The following MUC4 variants were observed in gnomAD, a reference collection of about 807,000 sequenced individuals.
MUC4 encodes mucin 4, cell surface associated.
A neutral mutation model predicts 257.9 loss-of-function variants in MUC4; 202 were observed. The ratio of observed to expected loss-of-function variants is 0.78; its 90% CI spans 0.70 to 0.88. MUC4 has a LOEUF of 0.88. Among genes scored for constraint, MUC4 ranks in the 40% least tolerant of loss-of-function variants. The probability of loss-of-function intolerance (pLI) is 0.00; values close to 1 mark genes in which losing one functional copy is unlikely to be tolerated. For synonymous variants in MUC4, 2,351 were observed against 2,757.1 expected (o/e 0.85, Z 4.62); for missense variants, 5,976 against 6,513.7 (o/e 0.92, Z 2.84).
rs1174724172 is a variant in MUC4, at chr3:195,747,348, C to T, written c.16067G>A (p.Gly5356Asp). 1.2e-6 allele frequency: 2 copies of T among 1,613,912 alleles called. No homozygotes were observed. The highest frequency in any genetic ancestry group is 1.1e-5 in the South Asian group (1 of 91,080). Reference sequence around the variant, plus strand: ...CATGCTCAGGTGCTCACAGTGCTCGCCCCAGGCCGTGTAGATGGAGAAGGA... The same window carrying T: ...CATGCTCAGGTGCTCACAGTGCTCGTCCCAGGCCGTGTAGATGGAGAAGGA... ...CVSFSIYTAWGEHCEHLSMKL... is the reference protein window; with the variant it reads ...CVSFSIYTAWDEHCEHLSMKL... Residue 5356 changes from glycine to aspartate, a missense_variant, in exon 25 of 25, where the codon GGC (glycine) becomes GAC (aspartate). Transcript: ENST00000463781.
chr3:195,797,133 G>C (rs1734674481), intron 1 of MUC4, among the ~76,000 whole-genome samples: 6 of 151,968 alleles, frequency 3.9e-5, no homozygotes, highest in Admixed American at 3.9e-4. Context: ...GCTGGGCTTG[G>C]TGGCACACAC....
At chr3:195,809,297 C>A (rs1015976812) in intron 1 of MUC4, among the ~76,000 whole-genome samples, 2 of 152,228 alleles carry the variant, frequency 1.3e-5, no homozygotes, top group Non-Finnish European at 2.9e-5. Flanking sequence ...GGGTGAGGGT[C>A]CTGCCGGCAA....
chr3:195,748,079 C>T (rs1382432640), intron 24 of MUC4, among the ~76,000 whole-genome samples: 1 of 151,734 alleles, frequency 6.6e-6, no homozygotes, highest in East Asian at 1.9e-4. Flanking sequence ...TGGCGGAGGG[C>T]CCGGAGCCCA....
At position 195,788,821 on chromosome 3, in the gene MUC4, T is replaced by A. The variant is rs754707850; in HGVS notation, c.2759A>T (p.Asp920Val). The A allele has an allele frequency of 1.2e-6, 2 of 1,613,854 alleles. No homozygotes were observed. The highest frequency in any genetic ancestry group is 2.2e-5 in the South Asian group (2 of 91,068). Residue 920 changes from aspartate to valine, a missense_variant, in exon 2 of 25, where the codon GAC (aspartate) becomes GTC (valine). Around this residue, in one of 44 missense-constraint regions of MUC4, gnomAD observed 1,583 missense variants for 1,257.4 expected, o/e 1.26. Coordinates refer to ENST00000463781, the MANE Select transcript of MUC4 (RefSeq NM_018406.7). The part of the protein sequence containing the change: ...TQRTRTSRGS[D>V]TISLASQATD... ...TGCCTGGGACGCCAGGCTGATAGTGTCAGACCCTCTGCTGGTTCTTGTCCT... is the reference window on the plus strand; with the variant it reads ...TGCCTGGGACGCCAGGCTGATAGTGACAGACCCTCTGCTGGTTCTTGTCCT...
Position 195,789,673 on chromosome 3 carries a change from T to C in MUC4, c.1907A>G (p.Gln636Arg). 1 of 1,613,972 alleles carries C rather than the reference T, an allele frequency of 6.2e-7. No homozygotes were observed. The highest frequency in any genetic ancestry group is 8.5e-7 in the Non-Finnish European group (1 of 1,179,874). ...CTGCGGGGCTTGAGTGTGACCCCTT[T>C]GGGAAACAGCTGGTGATTCCTGAGG... ...TSPQESPAVS[Q>R]RGHTQAPQTT... Residue 636 changes from glutamine to arginine, a missense_variant, in exon 2 of 25, where the codon CAA becomes CGA. Around this residue, in one of 44 missense-constraint regions of MUC4, gnomAD observed 1,583 missense variants for 1,257.4 expected, o/e 1.26. Transcript: ENST00000463781.
At chr3:195,803,691 G>T (rs1236927235) in intron 1 of MUC4, among the ~76,000 whole-genome samples, 3 of 152,258 alleles carry the variant, frequency 2.0e-5, no homozygotes, top group African/African-American at 7.2e-5. Flanking sequence ...TCACAGGCAG[G>T]GAAATTGAGA....
chr3:195,785,718 A>T lies in MUC4; in HGVS notation c.5862T>A (p.Pro1954=), dbSNP rs1401527236. Residue 1954 remains proline, a synonymous_variant, in exon 2 of 25, where the codon CCT becomes CCA. Transcript: ENST00000463781. ...SASSGHTTPL[P]VTDASSVPTG... ...TGGGTACTGAGGAAGCGTCGGTGAC[A>T]GGAAGAGGGGTGGTGTGACCTGAGG... The T allele has an allele frequency of 5.7e-6, 8 of 1,391,380 alleles. No homozygotes were observed. Among genetic ancestry groups the T allele is most frequent in the Non-Finnish European group, 7.7e-6 (8 of 1,033,798 alleles). The allele number at this position is 1,391,380 out of a possible 1,614,324, so 86.2% of individuals were successfully genotyped here.
chr3:195,775,602 CACCCATACCTTCCACA>C (rs1399568360), intron 3 of MUC4, among the ~76,000 whole-genome samples: 3 of 131,138 alleles, frequency 2.3e-5, no homozygotes, highest in African/African-American at 3.2e-5. Context: ...ATACCTTCCA[CACCCATACCTTCCACA>C]GTCATACCTT....
In MUC4 at chr3:195,784,994, T is replaced by G. The variant is rs761251091; in HGVS notation, c.6586A>C (p.Thr2196Pro). Residue 2196 changes from threonine to proline, a missense_variant, in exon 2 of 25, where the codon ACC becomes CCC. By Grantham distance (38) the Thr-to-Pro change is conservative. Coordinates refer to ENST00000463781, the MANE Select transcript of MUC4 (RefSeq NM_018406.7). The stretch of plus-strand genomic sequence containing the variant: ...CCTGTGGATGCTGAGGAAGTGTCGG[T>G]GACAGGAAGAGGGGTGGCGTGACCT... ...STGHATPLPV[T>P]DTSSASTGQA... is the part of the protein sequence containing the mutation. 1.3e-6 allele frequency: 2 copies of G among 1,513,464 alleles called. No homozygotes were observed. The highest frequency in any genetic ancestry group is 2.4e-5 in the South Asian group (2 of 82,758). The allele number at this position is 1,513,464 out of a possible 1,614,324, so 93.8% of individuals were successfully genotyped here. A position where few individuals can be genotyped will look rare whatever the true frequency, so the allele number is the denominator to read the frequency against.
chr3:195,764,208 A>G, intron 10 of MUC4, 44 bp from the exon 11 acceptor site: 1 of 1,547,856 alleles, frequency 6.5e-7, no homozygotes, highest in Non-Finnish European at 8.7e-7. Flanking sequence ...GGACCTGGAG[A>G]AGCTTGGCAG....
At position 195,753,226 on chromosome 3, in the gene MUC4, C is replaced by A. The variant is rs760790455; in HGVS notation, c.15333G>T (p.Leu5111=). Reference sequence around the variant, plus strand: ...GGTTCTGACACAGGAAAGAGCTCCCCAGAGCTGCAGAGTGAGTAGGGAGGT... The same window carrying A: ...GGTTCTGACACAGGAAAGAGCTCCCAAGAGCTGCAGAGTGAGTAGGGAGGT... ...LTGDGRHCAA[L]GSSFLCQNQS... is the part of the protein sequence containing the mutation. Residue 5111 remains leucine (L), a synonymous_variant, in exon 20 of 25, where the codon CTG becomes CTT. Coordinates refer to ENST00000463781, the MANE Select transcript of MUC4 (RefSeq NM_018406.7). 1.2e-5 allele frequency: 20 copies of A among 1,613,566 alleles called. No individual in the cohort carries two copies. The South Asian group carries it at 2.1e-4, about 17-fold the overall frequency.
In MUC4 at chr3:195,788,787, G is replaced by T. The variant is rs1000178223; in HGVS notation, c.2793C>A (p.Thr931=). The change falls in exon 2 of 25, where the codon ACC becomes ACA. Residue 931 remains threonine, a synonymous_variant. Coordinates refer to ENST00000463781, the MANE Select transcript of MUC4 (RefSeq NM_018406.7). ...GAGGTGTGGGTGGGACTGTTGAGAA[G>T]GTGTCGGTTGCCTGGGACGCCAGGC... is the stretch of plus-strand genomic sequence containing the variant. The part of the protein sequence containing the change: ...TISLASQATD[T]FSTVPPTPPS... 9 of 1,613,826 alleles carry T rather than the reference G, an allele frequency of 5.6e-6. 1 individual carries two copies. The highest frequency in any genetic ancestry group is 1.1e-5 in the South Asian group (1 of 91,076).
At position 195,789,332 on chromosome 3, in the gene MUC4, C is replaced by A. The variant is rs773266203; in HGVS notation, c.2248G>T (p.Gly750Cys). Residue 750 changes from glycine to cysteine, a missense_variant, in exon 2 of 25, where the codon GGC becomes TGC. Around this residue, in one of 44 missense-constraint regions of MUC4, gnomAD observed 1,583 missense variants for 1,257.4 expected, o/e 1.26. Coordinates refer to ENST00000463781, the MANE Select transcript of MUC4 (RefSeq NM_018406.7). ...LANSVVSTPG[G>C]PEGQWTSASA... Reference sequence around the variant, plus strand: ...GCTGATGTCCATTGTCCTTCTGGGCCCCCTGGTGTTGACACTACAGAGTTG... The same window carrying A: ...GCTGATGTCCATTGTCCTTCTGGGCACCCTGGTGTTGACACTACAGAGTTG... 11 of 1,613,836 alleles carry A rather than the reference C, an allele frequency of 6.8e-6. 1 individual carries two copies. Among genetic ancestry groups the A allele is most frequent in the South Asian group, 4.4e-5 (4 of 91,076 alleles).
At chr3:195,768,084 G>T (rs976522673) in intron 7 of MUC4, among the ~76,000 whole-genome samples, 1 of 152,084 alleles carries the variant, frequency 6.6e-6, no homozygotes, top group Non-Finnish European at 1.5e-5. Flanking sequence ...GGACTCTTGG[G>T]CTTTTCCTCC....
intron 7 of MUC4, among the ~76,000 whole-genome samples, chr3:195,767,796 C>T (rs1164489874): frequency 7.4e-6 from 1 of 134,236 alleles, no homozygotes; most frequent in African/African-American, 3.1e-5. Context: ...ATCATTGCCA[C>T]CACCATCATC....
chr3:195,766,693 G>T lies in MUC4; in HGVS notation c.13588C>A (p.Arg4530Ser). The T allele has an allele frequency of 6.2e-7, 1 of 1,614,168 alleles. No individual in the cohort carries two copies. Among genetic ancestry groups the T allele is most frequent in the Non-Finnish European group, 8.5e-7 (1 of 1,180,020 alleles). The change falls in exon 8 of 25, where the codon CGC (arginine) becomes AGC (serine). Residue 4530 changes from arginine (R) to serine (S), a missense_variant. Around this residue, in one of 44 missense-constraint regions of MUC4, gnomAD observed 996 missense variants for 1,137.3 expected, o/e 0.88. Coordinates refer to ENST00000463781, the MANE Select transcript of MUC4 (RefSeq NM_018406.7). ...LMSQPVWERY[R>S]PDRFLNSNSG... ...TTGGAATTCAGGAATCTATCAGGGC[G>T]ATACCTCTCCCACACTGGCTGGGAC...
rs552494023 is a variant in MUC4, at chr3:195,757,165, C to G, written c.15150G>C (p.Val5050=). Residue 5050 remains valine, a synonymous_variant, in exon 18 of 25, where the codon GTG becomes GTC. Coordinates refer to ENST00000463781, the MANE Select transcript of MUC4 (RefSeq NM_018406.7). This position sits in a 1 kb window ranked among gnomAD's most constrained non-coding sequence, Gnocchi z 4.8. ...SQCLYNQTSR[V]GNSSLEVAGC... ...CACTCACCTCCAGGGAGGAGTTGCC[C>G]ACCCTGCTGGTCTGATTGTACAAAC... 6.3e-7 allele frequency: 1 copy of G among 1,595,816 alleles called. No homozygotes were observed. Among genetic ancestry groups the G allele is most frequent in the South Asian group, 1.1e-5 (1 of 90,590 alleles).
intron 24 of MUC4, among the ~76,000 whole-genome samples, chr3:195,747,937 C>T (rs1347608480): frequency 6.6e-6 from 1 of 152,258 alleles, no homozygotes; most frequent in African/African-American, 2.4e-5. Context: ...GGGATGCCGG[C>T]CACAGGTGGG....
Position 195,752,361 on chromosome 3 carries a change from TGCA to T in MUC4, c.15582+9_15582+11del. The stretch of plus-strand genomic sequence containing the variant: ...GCCCCCTCCCACCCAGAGCGCGGCC[TGCA>T]GCACTGACCGAGGCGTTGACTTCTG... On this transcript the variant is annotated intron_variant, in intron 21 of 24. Coordinates refer to ENST00000463781, the MANE Select transcript of MUC4 (RefSeq NM_018406.7). 6.2e-7 allele frequency: 1 copy of T among 1,610,220 alleles called. No individual in the cohort carries two copies. Among genetic ancestry groups the T allele is most frequent in the Non-Finnish European group, 8.5e-7 (1 of 1,176,432 alleles).
Sources: gnomAD v4.1 joint callset for allele counts (sites outside exome capture counted in the v4.1 genomes callset) on GRCh38, gnomAD v4.1.1 for gene constraint, gnomAD v4.1.1 regional missense constraint, Gnocchi (gnomAD v3.1) non-coding constraint, MANE v1.5 for transcripts, NCBI Gene and HGNC (gene_info 2026-07-23, HGNC 2026-07-21) for gene names.